DMD: variants seen among roughly 807,000 people sequenced by gnomAD.
DMD encodes the protein dystrophin.
Under a neutral mutation model 330.1 loss-of-function variants are expected in DMD, and 63 were observed. The ratio of observed to expected loss-of-function variants is 0.19; its 90% CI spans 0.16 to 0.24. DMD has a LOEUF of 0.24. DMD is among the 10% of genes least tolerant of loss of function. The probability of loss-of-function intolerance (pLI) is 1.00; values close to 1 mark genes in which losing one functional copy is unlikely to be tolerated. For synonymous variants in DMD, 1,223 were observed against 959.8 expected (o/e 1.27, Z -5.07); for missense variants, 3,344 against 2,684.1 (o/e 1.25, Z -5.43).
At chrX:32,778,023 G>C (rs1177867810) in intron 7 of DMD, among the ~76,000 whole-genome samples, 1 of 111,482 alleles carries the variant, frequency 9.0e-6, no homozygotes, top group Non-Finnish European at 1.9e-5. Flanking sequence ...GAATATTACT[G>C]GAAAAGAGAC....
chrX:31,164,208 C>T (rs777165844), intron 74 of DMD, among the ~76,000 whole-genome samples: 6 of 111,981 alleles, frequency 5.4e-5, no homozygotes, highest in Admixed American at 1.9e-4. Context: ...TTCATTCTCA[C>T]GGTTTCAACT....
At chrX:31,210,671 A>G (rs1160510359) in intron 64 of DMD, among the ~76,000 whole-genome samples, 1 of 112,129 alleles carries the variant, frequency 8.9e-6, no homozygotes, top group Non-Finnish European at 1.9e-5. Flanking sequence ...TAAATCTCTC[A>G]TGCATCTAGG....
chrX:31,959,881 C>G (rs2095285562), intron 45 of DMD, among the ~76,000 whole-genome samples: 1 of 106,385 alleles, frequency 9.4e-6, no homozygotes, highest in African/African-American at 3.5e-5. Flanking sequence ...TCTCCCACCT[C>G]AGACTCCCAT....
chrX:32,556,638 C>A (rs1044676244), intron 16 of DMD, among the ~76,000 whole-genome samples: 1 of 111,555 alleles, frequency 9.0e-6, no homozygotes, highest in South Asian at 3.8e-4. Context: ...CAAACACGAA[C>A]GAGTCAAACT....
intron 60 of DMD, among the ~76,000 whole-genome samples, chrX:31,395,031 G>T (rs1268797574): frequency 1.9e-5 from 2 of 107,579 alleles, no homozygotes; most frequent in African/African-American, 6.9e-5. Context: ...TAACTGCCTG[G>T]TTGTTGTTTC....
chrX:32,735,532 T>A, intron 7 of DMD, among the ~76,000 whole-genome samples: 1 of 111,372 alleles, frequency 9.0e-6, no homozygotes, highest in Non-Finnish European at 1.9e-5. Context: ...AAGGCTGCAG[T>A]AACCAAAACA....
intron 54 of DMD, among the ~76,000 whole-genome samples, chrX:31,643,283 ATTG>A (rs972068977): frequency 2.7e-5 from 3 of 112,151 alleles, no homozygotes; most frequent in Non-Finnish European, 3.8e-5. Context: ...TTTAACAATT[ATTG>A]TTAAGAGTTT....
intron 1 of DMD, among the ~76,000 whole-genome samples, chrX:33,291,493 C>T: frequency 9.0e-6 from 1 of 111,198 alleles, no homozygotes; most frequent in East Asian, 2.8e-4. Flanking sequence ...GCCATTTATC[C>T]CCATGTAATG....
chrX:32,619,987 T>C (rs1422353577), intron 11 of DMD, among the ~76,000 whole-genome samples: 1 of 111,180 alleles, frequency 9.0e-6, no homozygotes, highest in Non-Finnish European at 1.9e-5. Flanking sequence ...AGTACCACAA[T>C]CTCTGCTTTC....
intron 7 of DMD, among the ~76,000 whole-genome samples, chrX:32,796,879 CTT>C (rs2076219877): frequency 8.9e-6 from 1 of 111,938 alleles, no homozygotes; most frequent in Non-Finnish European, 1.9e-5. Flanking sequence ...AAATTTCCCT[CTT>C]ATAAGATTTA....
chrX:33,083,812 C>T (rs1031278765), intron 1 of DMD, among the ~76,000 whole-genome samples: 5 of 111,325 alleles, frequency 4.5e-5, no homozygotes, highest in Non-Finnish European at 7.5e-5. Flanking sequence ...TTAGAAAGAG[C>T]GAACTGAGAC....
intron 5 of DMD, among the ~76,000 whole-genome samples, chrX:32,822,075 G>A (rs1218171249): frequency 1.8e-5 from 2 of 111,148 alleles, no homozygotes; most frequent in East Asian, 5.6e-4. Flanking sequence ...TTATAAAAAA[G>A]TAATCCCGAC....
intron 44 of DMD, among the ~76,000 whole-genome samples, chrX:32,141,891 T>C (rs1017387134): frequency 1.4e-4 from 16 of 111,853 alleles, no homozygotes; most frequent in Middle Eastern, 4.6e-3. Context: ...ACAGACACAA[T>C]GAATATGTAT....
intron 41 of DMD, among the ~76,000 whole-genome samples, chrX:32,311,967 G>T (rs1044937531): frequency 6.3e-5 from 7 of 111,345 alleles, no homozygotes; most frequent in African/African-American, 2.3e-4. Flanking sequence ...CACGTTAGTT[G>T]CTATAACCCC....
intron 62 of DMD, among the ~76,000 whole-genome samples, chrX:31,307,717 A>G (rs1188233642): frequency 8.9e-6 from 1 of 112,136 alleles, no homozygotes; most frequent in Non-Finnish European, 1.9e-5. Context: ...TATTTAACAG[A>G]GAAAGGCAAA....
At position 32,468,721 on chromosome X, in the gene DMD, A is replaced by C; in HGVS notation, c.2950-11T>G. The C allele has an allele frequency of 8.5e-7, 1 of 1,173,937 alleles. No individual in the cohort carries two copies. On this transcript the variant is annotated splice_polypyrimidine_tract_variant and intron_variant, in intron 22 of 78. Transcript: ENST00000357033. ...AGAACTTTGTAAAGCCTAAAAAACA[A>C]TTTTTTAAATACATTTACCCTAATT...
intron 60 of DMD, among the ~76,000 whole-genome samples, chrX:31,411,983 C>T (rs897520841): frequency 2.8e-5 from 3 of 108,689 alleles, no homozygotes; most frequent in Admixed American, 2.0e-4. Flanking sequence ...GTCAGGAGTT[C>T]GAGACCAGCC....
intron 9 of DMD, among the ~76,000 whole-genome samples, chrX:32,656,844 G>A (rs909930754): frequency 9.0e-6 from 1 of 111,445 alleles, no homozygotes; most frequent in Non-Finnish European, 1.9e-5. Context: ...TCCAATTTCA[G>A]GTTTTATATA....
chrX:33,141,607 A>T (rs1047155184), intron 1 of DMD, among the ~76,000 whole-genome samples: 4 of 111,940 alleles, frequency 3.6e-5, no homozygotes, highest in African/African-American at 1.3e-4. Flanking sequence ...AGCCTCAGTG[A>T]TATTCAGTAT....
Sources: gnomAD v4.1 joint callset for allele counts (sites outside exome capture counted in the v4.1 genomes callset) on GRCh38, gnomAD v4.1.1 for gene constraint, MANE v1.5 for transcripts, NCBI Gene and HGNC (gene_info 2026-07-23, HGNC 2026-07-21) for gene names.